TENM2: variants seen among roughly 807,000 people sequenced by gnomAD.
TENM2 encodes the protein teneurin-2.
Under a neutral mutation model 245.2 loss-of-function variants are expected in TENM2, and 52 were observed. That is an observed-to-expected ratio of 0.21 (90% CI 0.17 to 0.27). TENM2 has a LOEUF of 0.27. TENM2 is among the 10% of genes least tolerant of loss of function. TENM2 has a pLI of 1.00. For missense variants in TENM2, 3,046 were observed against 3,666.8 expected (o/e 0.83, Z 4.37); for synonymous variants, 1,363 against 1,438.9 (o/e 0.95, Z 1.19).
chr5:167,092,248 G>GT, the TENM2 span, among the ~76,000 whole-genome samples: 140 of 152,228 alleles, frequency 9.2e-4, no homozygotes, highest in African/African-American at 3.3e-3. Context: ...CATAAATGAG[G>GT]TTTTATGGAA....
At chr5:167,060,461 G>A in the TENM2 span, among the ~76,000 whole-genome samples, 1 of 151,850 alleles carries the variant, frequency 6.6e-6, no homozygotes. Flanking sequence ...GAGCAGCCTG[G>A]CCAACATGGT....
At position 168,217,003 on chromosome 5, in the gene TENM2, G is replaced by A. The variant is rs1763255063; in HGVS notation, c.4233+81G>A. The A allele has an allele frequency of 8.6e-6, 13 of 1,515,774 alleles. No individual in the cohort carries two copies. The South Asian group carries it at 1.4e-4, about 16-fold the overall frequency. The allele number at this position is 1,515,774 out of a possible 1,614,324, so 93.9% of individuals were successfully genotyped here. ...TTCTTACCTGTTTCCTGTTTGGTTT[G>A]GAAGTGGAATGGGAGGGAGAGATAC... On this transcript the variant is annotated intron_variant, in intron 22 of 28. Transcript: ENST00000518659.
chr5:168,147,998 G>A (rs1207078640), intron 12 of TENM2, among the ~76,000 whole-genome samples: 1 of 152,222 alleles, frequency 6.6e-6, no homozygotes, highest in Non-Finnish European at 1.5e-5. Context: ...GAGATGGTTA[G>A]AGATGCGAGC....
At chr5:167,889,505 GA>G (rs1774569315) in intron 3 of TENM2, among the ~76,000 whole-genome samples, 2 of 152,082 alleles carry the variant, frequency 1.3e-5, no homozygotes, top group Non-Finnish European at 2.9e-5. Context: ...TCATCTCAAT[GA>G]CCTTTTGCAT....
rs557779171 is a variant in TENM2 at position 168,191,625 on chromosome 5, T to TCTTATTTGTCTTTA, written c.2780+1078_2780+1079insCTTATTTGTCTTTA. ...TTTGCAGCCCTGACGACCCCCATTG[T>TCTTATTTGTCTTTA]GCCATCTTTGTCTTATTTCTCTTTA... On this transcript the variant is annotated intron_variant, in intron 14 of 28. Transcript: ENST00000518659. Among the ~76,000 whole-genome samples the TCTTATTTGTCTTTA allele has an allele frequency of 3.0e-3, 450 of 152,266 alleles. 1 individual carries two copies. The highest frequency in any genetic ancestry group is 0.01 in the African/African-American group (435 of 41,546).
chr5:167,371,674 T>C (rs1262367066), intron 1 of TENM2, among the ~76,000 whole-genome samples: 1 of 152,096 alleles, frequency 6.6e-6, no homozygotes, highest in Non-Finnish European at 1.5e-5. Context: ...TCTTTTCCTA[T>C]GTAATATTTA....
intron 17 of TENM2, among the ~76,000 whole-genome samples, chr5:168,200,475 C>G (rs769648629): frequency 1.4e-4 from 22 of 152,144 alleles, no homozygotes; most frequent in Non-Finnish European, 2.5e-4. Flanking sequence ...GAAGGAACCA[C>G]ATGAAAATCA....
chr5:167,485,385 T>C (rs1767996345), intron 2 of TENM2, among the ~76,000 whole-genome samples: 1 of 152,220 alleles, frequency 6.6e-6, no homozygotes, highest in African/African-American at 2.4e-5. Context: ...GGACTGTTAT[T>C]TTCAAATCAC....
At chr5:167,139,283 T>C in the TENM2 span, among the ~76,000 whole-genome samples, 5 of 152,222 alleles carry the variant, frequency 3.3e-5, no homozygotes, top group African/African-American at 1.2e-4. Context: ...CAACATTTCC[T>C]TCACTGATAC....
chr5:167,631,516 G>A (rs1275112087), intron 2 of TENM2, among the ~76,000 whole-genome samples: 1 of 152,150 alleles, frequency 6.6e-6, no homozygotes, highest in African/African-American at 2.4e-5. Flanking sequence ...GGTGCAGGCA[G>A]GGGCCAGCTT....
the TENM2 span, among the ~76,000 whole-genome samples, chr5:167,172,844 T>G: frequency 6.6e-6 from 1 of 152,108 alleles, no homozygotes; most frequent in Non-Finnish European, 1.5e-5. Context: ...TCAAATGAGC[T>G]TTCATTTTTT....
intron 4 of TENM2, among the ~76,000 whole-genome samples, chr5:167,961,209 A>G (rs945603972): frequency 3.9e-5 from 6 of 152,362 alleles, no homozygotes; most frequent in African/African-American, 1.4e-4. Context: ...TAATCTTTAA[A>G]GGTTAAAATA....
intron 2 of TENM2, among the ~76,000 whole-genome samples, chr5:167,848,442 A>G (rs1456093754): frequency 2.0e-5 from 3 of 152,162 alleles, no homozygotes; most frequent in Non-Finnish European, 4.4e-5. Context: ...TGGCAAATAT[A>G]TATATATAAA....
the TENM2 span, among the ~76,000 whole-genome samples, chr5:166,995,637 G>T: frequency 6.6e-6 from 1 of 151,282 alleles, no homozygotes; most frequent in African/African-American, 2.4e-5. Context: ...CCAACATGGT[G>T]AAACCCCATC....
At chr5:167,630,780 A>T (rs750450386) in intron 2 of TENM2, among the ~76,000 whole-genome samples, 1 of 152,232 alleles carries the variant, frequency 6.6e-6, no homozygotes, top group Non-Finnish European at 1.5e-5. Flanking sequence ...ACTACTCAGA[A>T]GGGAAATTAA....
chr5:167,114,471 A>G, the TENM2 span, among the ~76,000 whole-genome samples: 1 of 152,224 alleles, frequency 6.6e-6, no homozygotes, highest in Non-Finnish European at 1.5e-5. Context: ...GAAAATAATC[A>G]CTGTCATCTC....
chr5:168,178,831 C>T (rs1759589366), intron 13 of TENM2, among the ~76,000 whole-genome samples: 1 of 152,146 alleles, frequency 6.6e-6, no homozygotes. Context: ...GGCATGGTGG[C>T]TCACGCCTGT....
At chr5:167,326,548 G>T (rs113828188) in intron 1 of TENM2, among the ~76,000 whole-genome samples, 3,967 of 151,596 alleles carry the variant, frequency 0.026, 165 homozygotes, top group African/African-American at 0.091. Flanking sequence ...TGGTGCACGC[G>T]TGTAGTCCCA....
chr5:168,260,853 A>G (rs1768120939), intron 28 of TENM2, among the ~76,000 whole-genome samples: 1 of 152,186 alleles, frequency 6.6e-6, no homozygotes, highest in South Asian at 2.1e-4. Context: ...AAGCATATAC[A>G]GATTGAGTTT....
Sources: gnomAD v4.1 joint callset for allele counts (sites outside exome capture counted in the v4.1 genomes callset) on GRCh38, gnomAD v4.1.1 for gene constraint, MANE v1.5 for transcripts, NCBI Gene and HGNC (gene_info 2026-07-23, HGNC 2026-07-21) for gene names.